The following ARHGAP44 variants were observed in gnomAD, a reference collection of about 807,000 sequenced individuals.
ARHGAP44 encodes rho GTPase-activating protein 44.
A neutral mutation model predicts 106.8 loss-of-function variants in ARHGAP44; 43 were observed. The ratio of observed to expected loss-of-function variants is 0.40; its 90% confidence interval spans 0.32 to 0.52. ARHGAP44 has a LOEUF of 0.52. Ranked by LOEUF, ARHGAP44 falls within the 20% of genes least tolerant of loss-of-function variation. The pLI, the probability that ARHGAP44 is intolerant of heterozygous loss-of-function variation, is 0.48. For missense variants in ARHGAP44, 866 were observed against 1,050.5 expected, an observed-to-expected ratio of 0.82 and a Z score of 2.43; for synonymous variants, 439 against 410.3, an observed-to-expected ratio of 1.07 and a Z score of -0.85.
At chr17:12,920,861 A>G (rs1467558222) in intron 6 of ARHGAP44, among the ~76,000 whole-genome samples, 1 of 152,136 alleles carries the variant, frequency 6.6e-6, no homozygotes, top group Non-Finnish European at 1.5e-5. Flanking sequence ...TTCCTGTAGT[A>G]GCAGGCGGGT....
At chr17:12,827,132 G>A (rs1447300862) in intron 1 of ARHGAP44, among the ~76,000 whole-genome samples, 1 of 152,000 alleles carries the variant, frequency 6.6e-6, no homozygotes, top group East Asian at 1.9e-4. Context: ...CTGTAACCCT[G>A]TTCTCTTATT....
chr17:12,833,061 C>G (rs1256223536), intron 1 of ARHGAP44, among the ~76,000 whole-genome samples: 1 of 152,230 alleles, frequency 6.6e-6, no homozygotes, highest in African/African-American at 2.4e-5. Context: ...TGTCCCTGCT[C>G]CATTCCCAGG....
intron 7 of ARHGAP44, among the ~76,000 whole-genome samples, chr17:12,938,709 C>A (rs567599989): frequency 2.0e-5 from 3 of 150,928 alleles, no homozygotes; most frequent in African/African-American, 7.3e-5. Flanking sequence ...GCATTAAATT[C>A]TGTTGATTAA....
intron 1 of ARHGAP44, among the ~76,000 whole-genome samples, chr17:12,845,987 T>C (rs1339515033): frequency 6.6e-6 from 1 of 152,134 alleles, no homozygotes; most frequent in Non-Finnish European, 1.5e-5. Flanking sequence ...TTAAAAAATC[T>C]ATTTAGGAAA....
At chr17:12,934,523 A>G (rs1257190458) in intron 7 of ARHGAP44, among the ~76,000 whole-genome samples, 2 of 152,220 alleles carry the variant, frequency 1.3e-5, no homozygotes, top group Non-Finnish European at 2.9e-5. Flanking sequence ...ACGTTACTTC[A>G]GATCCCTTCT....
intron 1 of ARHGAP44, among the ~76,000 whole-genome samples, chr17:12,855,286 AC>A (rs2035875487): frequency 6.6e-6 from 1 of 152,184 alleles, no homozygotes; most frequent in Non-Finnish European, 1.5e-5. Flanking sequence ...CCTACAATGG[AC>A]CTTTGCAAAG....
intron 1 of ARHGAP44, among the ~76,000 whole-genome samples, chr17:12,866,009 A>G (rs2036229736): frequency 6.6e-6 from 1 of 152,128 alleles, no homozygotes; most frequent in Non-Finnish European, 1.5e-5. Flanking sequence ...CCCTAATAAT[A>G]GCTTGAAGTC....
intron 1 of ARHGAP44, among the ~76,000 whole-genome samples, chr17:12,801,437 T>C (rs1313640207): frequency 6.6e-6 from 1 of 152,244 alleles, no homozygotes; most frequent in African/African-American, 2.4e-5. Context: ...GCCTTGTTGC[T>C]GCTGGTTGCA....
At chr17:12,836,810 A>G (rs1358219390) in intron 1 of ARHGAP44, among the ~76,000 whole-genome samples, 1 of 152,236 alleles carries the variant, frequency 6.6e-6, no homozygotes, top group Non-Finnish European at 1.5e-5. Context: ...TCAGGCAGAA[A>G]AATCCATAGT....
At chr17:12,891,152 ACT>A (rs1279094892) in intron 1 of ARHGAP44, among the ~76,000 whole-genome samples, 4 of 151,504 alleles carry the variant, frequency 2.6e-5, no homozygotes, top group African/African-American at 9.7e-5. Context: ...ATCACCTTTA[ACT>A]CTTTGTTCAC....
intron 1 of ARHGAP44, among the ~76,000 whole-genome samples, chr17:12,882,194 A>G (rs1295802656): frequency 6.6e-6 from 1 of 152,136 alleles, no homozygotes; most frequent in Non-Finnish European, 1.5e-5. Context: ...ATTTTTCCCT[A>G]TGAAGACATT....
At chr17:12,888,421 C>T (rs1294050849) in intron 1 of ARHGAP44, among the ~76,000 whole-genome samples, 3 of 152,128 alleles carry the variant, frequency 2.0e-5, no homozygotes, top group African/African-American at 4.8e-5. Context: ...ACTGATTTCT[C>T]ATTTGATTCC....
At chr17:12,863,020 T>A (rs2036133072) in intron 1 of ARHGAP44, among the ~76,000 whole-genome samples, 1 of 145,124 alleles carries the variant, frequency 6.9e-6, no homozygotes. Context: ...GAGCACAATG[T>A]CTCATGGCTA....
At chr17:12,973,911 G>T in intron 17 of ARHGAP44, 178 bp from the exon 18 acceptor site, 1 of 701,772 alleles carries the variant, frequency 1.4e-6, no homozygotes, top group Non-Finnish European at 2.4e-6. Context: ...TGTCTTGGCC[G>T]CCGGGAGCAG....
At chr17:12,934,194 A>G (rs1204447660) in intron 7 of ARHGAP44, among the ~76,000 whole-genome samples, 1 of 151,970 alleles carries the variant, frequency 6.6e-6, no homozygotes, top group African/African-American at 2.4e-5. Flanking sequence ...TGTTTTTCTC[A>G]TTTAGCCTTG....
intron 1 of ARHGAP44, among the ~76,000 whole-genome samples, chr17:12,791,198 G>A (rs533109489): frequency 1.3e-5 from 2 of 152,282 alleles, no homozygotes; most frequent in African/African-American, 4.8e-5. Flanking sequence ...AATTGACTTG[G>A]ATTCATTTTT....
chr17:12,927,745 C>G (rs747777986), intron 6 of ARHGAP44, among the ~76,000 whole-genome samples: 1 of 152,136 alleles, frequency 6.6e-6, no homozygotes, highest in South Asian at 2.1e-4. Context: ...ACCAAGTTCC[C>G]AGCTCCCCCT....
At chr17:12,889,486 C>G (rs2036978026) in intron 1 of ARHGAP44, among the ~76,000 whole-genome samples, 1 of 152,126 alleles carries the variant, frequency 6.6e-6, no homozygotes, top group Admixed American at 6.5e-5. Flanking sequence ...GAACCCACTC[C>G]CACAATAACA....
rs533559531 is a variant in ARHGAP44 at position 12,855,117 on chromosome 17, G to T, written c.54-39823G>T. ...CACCTTGCACACTGGGTGGGTAAAAGAAATCTGCTCAGCATTGTTCTTTCA... is the reference window on the plus strand; with the variant it reads ...CACCTTGCACACTGGGTGGGTAAAATAAATCTGCTCAGCATTGTTCTTTCA... On this transcript the variant is annotated intron_variant, in intron 1 of 20. Coordinates refer to ENST00000379672, the MANE Select transcript of ARHGAP44 (RefSeq NM_014859.6). Among the ~76,000 whole-genome samples, 4 of 152,208 alleles carry T rather than the reference G, an allele frequency of 2.6e-5. No homozygotes were observed. In the South Asian group the frequency reaches 8.3e-4, roughly 32 times the overall value.
Sources: gnomAD v4.1 joint callset for allele counts (sites outside exome capture counted in the v4.1 genomes callset) on GRCh38, gnomAD v4.1.1 for gene constraint, MANE v1.5 for transcripts, NCBI Gene and HGNC (gene_info 2026-07-23, HGNC 2026-07-21) for gene names.